The following SLCO1A2 variants were observed in gnomAD, a reference collection of about 807,000 sequenced individuals.
SLCO1A2 encodes the protein solute carrier organic anion transporter family member 1A2.
In SLCO1A2, 67 loss-of-function variants were observed where a neutral mutation model predicts 69.0. The ratio of observed to expected loss-of-function variants is 0.97; its 90% CI spans 0.80 to 1.19. The LOEUF is 1.19. Among genes scored for constraint, SLCO1A2 ranks in the 50% most tolerant of loss-of-function variants. The pLI is 0.00. For missense variants in SLCO1A2, 787 were observed against 793.7 expected (o/e 0.99, Z 0.10); for synonymous variants, 260 against 265.9 (o/e 0.98, Z 0.22).
intron 1 of SLCO1A2, among the ~76,000 whole-genome samples, chr12:21,412,127 T>C (rs1196698073): frequency 6.6e-6 from 1 of 152,168 alleles, no homozygotes; most frequent in Non-Finnish European, 1.5e-5. Context: ...ATGCCTGTAA[T>C]CCCAGCACTT....
chr12:21,325,344 T>G (rs956403860), intron 2 of SLCO1A2, among the ~76,000 whole-genome samples: 1 of 152,228 alleles, frequency 6.6e-6, no homozygotes, highest in African/African-American at 2.4e-5. Flanking sequence ...ACATAAAGGC[T>G]GTTTAGACAT....
At chr12:21,394,450 A>C (rs74871772) in intron 1 of SLCO1A2, among the ~76,000 whole-genome samples, 1,839 of 150,708 alleles carry the variant, frequency 0.012, 11 homozygotes, top group Non-Finnish European at 0.021. Flanking sequence ...CTGAGATGGG[A>C]GGATCTCTTT....
intron 2 of SLCO1A2, among the ~76,000 whole-genome samples, chr12:21,320,491 T>G (rs1486930079): frequency 6.6e-6 from 1 of 152,024 alleles, no homozygotes; most frequent in Non-Finnish European, 1.5e-5. Flanking sequence ...CTTTTTTGTT[T>G]TGTTTTGTGT....
chr12:21,383,125 A>G (rs879505301), intron 1 of SLCO1A2, among the ~76,000 whole-genome samples: 5 of 152,170 alleles, frequency 3.3e-5, no homozygotes, highest in Non-Finnish European at 7.3e-5. Flanking sequence ...ATTATGAGAT[A>G]CTTTTGCTTT....
intron 2 of SLCO1A2, among the ~76,000 whole-genome samples, chr12:21,370,325 CCTTTT>C (rs201610916): frequency 0.011 from 1,601 of 151,120 alleles, 16 homozygotes; most frequent in Non-Finnish European, 0.018. Context: ...ACCAGGTCTT[CCTTTT>C]CTTTTTTTTT....
chr12:21,413,002 A>G (rs1482685209), intron 1 of SLCO1A2, among the ~76,000 whole-genome samples: 1 of 152,110 alleles, frequency 6.6e-6, no homozygotes, highest in Admixed American at 6.6e-5. Flanking sequence ...ACGATAGGGG[A>G]CCTGCTCATC....
At chr12:21,413,098 AT>A (rs542661628) in intron 1 of SLCO1A2, among the ~76,000 whole-genome samples, 69 of 148,560 alleles carry the variant, frequency 4.6e-4, no homozygotes, top group African/African-American at 1.5e-3. Flanking sequence ...TTTTTGTATT[AT>A]TTTTTTTGAT....
rs1216718514 is a variant in SLCO1A2, at chr12:21,306,973, A to C, written c.351T>G (p.Ser117=). The change falls in exon 5 of 15, where the codon TCT becomes TCG. Residue 117 remains serine (S), a synonymous_variant. Transcript: ENST00000683939. ...HFLMNQYEYE[S]TVSVSGNLSS... ...ACAAGTTGCCTGAAACTGAAACTGTAGATTCATATTCATATCTGTATAAAC... is the reference window on the plus strand; with the variant it reads ...ACAAGTTGCCTGAAACTGAAACTGTCGATTCATATTCATATCTGTATAAAC... The C allele has an allele frequency of 6.2e-7, 1 of 1,611,098 alleles. No homozygotes were observed. Among genetic ancestry groups the C allele is most frequent in the African/African-American group, 1.3e-5 (1 of 75,008 alleles).
chr12:21,413,902 T>C (rs1941950848), intron 1 of SLCO1A2, among the ~76,000 whole-genome samples: 1 of 152,088 alleles, frequency 6.6e-6, no homozygotes, highest in East Asian at 1.9e-4. Context: ...ATCACTCCGG[T>C]ACCACAGCAG....
At chr12:21,328,132 C>T (rs1045431901) in intron 2 of SLCO1A2, among the ~76,000 whole-genome samples, 1 of 152,186 alleles carries the variant, frequency 6.6e-6, no homozygotes, top group Admixed American at 6.5e-5. Flanking sequence ...GCCTTTGCTC[C>T]TCCTTTACCT....
intron 1 of SLCO1A2, among the ~76,000 whole-genome samples, chr12:21,394,426 A>G (rs1941319035): frequency 6.6e-6 from 1 of 151,208 alleles, no homozygotes. Flanking sequence ...CTGTAGTCCC[A>G]GCTACTGGGG....
intron 2 of SLCO1A2, among the ~76,000 whole-genome samples, chr12:21,358,344 G>A (rs1031822711): frequency 2.6e-5 from 4 of 152,046 alleles, no homozygotes; most frequent in African/African-American, 9.7e-5. Flanking sequence ...AGTATTGTTT[G>A]ATACCAACCA....
At chr12:21,350,394 G>A (rs1937841045) in intron 2 of SLCO1A2, among the ~76,000 whole-genome samples, 1 of 151,312 alleles carries the variant, frequency 6.6e-6, no homozygotes, top group Non-Finnish European at 1.5e-5. Context: ...AATACAATAA[G>A]AATAAAATAT....
chr12:21,407,041 A>G (rs1384029253), intron 1 of SLCO1A2, among the ~76,000 whole-genome samples: 1 of 152,134 alleles, frequency 6.6e-6, no homozygotes, highest in Non-Finnish European at 1.5e-5. Context: ...TCACTTTTTC[A>G]TCTTCTGTCA....
intron 2 of SLCO1A2, among the ~76,000 whole-genome samples, chr12:21,363,951 C>A (rs904588600): frequency 6.6e-6 from 1 of 152,120 alleles, no homozygotes; most frequent in Non-Finnish European, 1.5e-5. Flanking sequence ...GATTCACAGC[C>A]GAATTCTACC....
chr12:21,281,037 T>C (rs1212831562), intron 12 of SLCO1A2, among the ~76,000 whole-genome samples: 16 of 152,086 alleles, frequency 1.1e-4, no homozygotes, highest in Admixed American at 1.0e-3. Flanking sequence ...AAAAATTTCT[T>C]AAAACAAATA....
intron 1 of SLCO1A2, among the ~76,000 whole-genome samples, chr12:21,393,669 G>A (rs1203117622): frequency 2.0e-5 from 3 of 152,120 alleles, no homozygotes; most frequent in Admixed American, 6.5e-5. Context: ...CCAGGTGACT[G>A]TAAGAGATAA....
chr12:21,269,630 A>ACTT lies in SLCO1A2; in HGVS notation c.1928_1930dup (p.Lys643_Val644insGlu). ...TTTGCACTCATTTTCCTTCCCTTTG[A>ACTT]CTTTTGTCTCTATAAGCTCTGTTCC... On this transcript the variant is annotated inframe_insertion, in exon 15 of 15. Transcript: ENST00000683939. 1 of 1,612,546 alleles carries ACTT rather than the reference A, an allele frequency of 6.2e-7. No individual in the cohort carries two copies. Among genetic ancestry groups the ACTT allele is most frequent in the South Asian group, 1.1e-5 (1 of 91,020 alleles).
chr12:21,398,460 G>A (rs1941560653), upstream of SLCO1A2, among the ~76,000 whole-genome samples: 2 of 143,086 alleles, frequency 1.4e-5, no homozygotes, highest in Non-Finnish European at 1.6e-5. Flanking sequence ...GGAGGAACTG[G>A]TACCATTCCT....
Sources: allele counts gnomAD v4.1 joint callset (sites outside exome capture counted in the v4.1 genomes callset), GRCh38; gene constraint gnomAD v4.1.1; transcripts MANE v1.5; gene names NCBI Gene and HGNC (gene_info 2026-07-23, HGNC 2026-07-21).